OPRD1: variants seen among roughly 807,000 people sequenced by gnomAD.
OPRD1 encodes opioid receptor delta 1, also known as delta-type opioid receptor.
OPRD1 carries 19 observed loss-of-function variants against 17.5 expected under a neutral mutation model. The ratio of observed to expected loss-of-function variants is 1.09; its 90% CI spans 0.76 to 1.60. OPRD1 has a LOEUF of 1.60. OPRD1 is among the 40% of genes most tolerant of loss of function. OPRD1 has a pLI of 0.00. For synonymous variants in OPRD1, 256 were observed against 240.9 expected (o/e 1.06, Z -0.58); for missense variants, 483 against 547.2 (o/e 0.88, Z 1.17).
In OPRD1 at chr1:28,859,047, C is replaced by T; in HGVS notation, c.321C>T (p.Ala107=). 6.2e-7 allele frequency: 1 copy of T among 1,614,218 alleles called. No homozygotes were observed. ...CCAGCACGCTGCCTTTCCAGAGTGC[C>T]AAGTACCTGATGGAGACGTGGCCCT... The part of the protein sequence containing the change: ...LATSTLPFQS[A]KYLMETWPFG... Residue 107 remains alanine, a synonymous_variant, in exon 2 of 3, where the codon GCC becomes GCT. Coordinates refer to ENST00000234961, the MANE Select transcript of OPRD1 (RefSeq NM_000911.4).
chr1:28,827,076 C>T (rs1197772612), intron 1 of OPRD1, among the ~76,000 whole-genome samples: 1 of 152,158 alleles, frequency 6.6e-6, no homozygotes, highest in East Asian at 1.9e-4. Flanking sequence ...GGGCAGATCC[C>T]TTGAGGTCAG....
At chr1:28,861,613 G>A (rs2089122533) in intron 2 of OPRD1, among the ~76,000 whole-genome samples, 1 of 152,012 alleles carries the variant, frequency 6.6e-6, no homozygotes, top group African/African-American at 2.4e-5. Flanking sequence ...CCCAGCTAAT[G>A]TTTGTTTTTT....
At chr1:28,842,245 G>A (rs1477333622) in intron 1 of OPRD1, among the ~76,000 whole-genome samples, 1 of 152,112 alleles carries the variant, frequency 6.6e-6, no homozygotes, top group East Asian at 1.9e-4. Context: ...GCCCCAGCTG[G>A]TCTCCAACGC....
chr1:28,833,156 T>A (rs190263801), intron 1 of OPRD1, among the ~76,000 whole-genome samples: 81 of 152,322 alleles, frequency 5.3e-4, no homozygotes, highest in Non-Finnish European at 3.5e-4. Flanking sequence ...AACAATGTAA[T>A]GTGCCCATTT....
chr1:28,840,774 T>C (rs1323950937), intron 1 of OPRD1, among the ~76,000 whole-genome samples: 1 of 151,886 alleles, frequency 6.6e-6, no homozygotes, highest in Admixed American at 6.6e-5. Flanking sequence ...ATATGAAAAT[T>C]AGCCGGGCAT....
At chr1:28,818,773 G>GTTCTCA (rs1248005048) in intron 1 of OPRD1, among the ~76,000 whole-genome samples, 1 of 152,166 alleles carries the variant, frequency 6.6e-6, no homozygotes, top group African/African-American at 2.4e-5. Context: ...GGAGGCAGGT[G>GTTCTCA]TTCTCATGGG....
At position 28,867,269 on chromosome 1, in the gene OPRD1, A is replaced by G. The variant is rs2089182828; in HGVS notation, c.*3986A>G. The G allele has an allele frequency of 6.6e-6, 1 of 150,994 alleles. No individual in the cohort carries two copies. The highest frequency in any genetic ancestry group is 2.4e-5 in the African/African-American group (1 of 40,972). The allele number at this position is 150,994 out of a possible 1,614,324, so 9.4% of individuals were successfully genotyped here. On this transcript the variant is annotated 3_prime_UTR_variant, in exon 3 of 3. Transcript: ENST00000234961. ...GCATAGGCTGGAGTGCAGTGGCACCATCTCGGCTCATTGCAACCTCCGCCT... is the reference window on the plus strand; with the variant it reads ...GCATAGGCTGGAGTGCAGTGGCACCGTCTCGGCTCATTGCAACCTCCGCCT...
At chr1:28,812,751 C>T in intron 1 of OPRD1, 141 bp downstream of exon 1, 2 of 674,288 alleles carry the variant, frequency 3.0e-6, no homozygotes, top group Non-Finnish European at 2.3e-6. Context: ...CAGCGAGAGG[C>T]GAGGCCACTT....
Position 28,812,580 on chromosome 1 carries a change from G to A in OPRD1, c.197G>A (p.Gly66Asp). Reference sequence around the variant, plus strand: ...GCCGTGTGCGCCGTGGGGCTGCTGGGCAACGTGCTTGTCATGTTCGGCATC... The same window carrying A: ...GCCGTGTGCGCCGTGGGGCTGCTGGACAACGTGCTTGTCATGTTCGGCATC... Reference protein sequence around the residue: ...YSAVCAVGLLGNVLVMFGIVR... With the variant: ...YSAVCAVGLLDNVLVMFGIVR... Residue 66 changes from glycine (G) to aspartate (D), a missense_variant, in exon 1 of 3, where the codon GGC (glycine) becomes GAC (aspartate). Transcript: ENST00000234961. 6 of 1,568,174 alleles carry A rather than the reference G, an allele frequency of 3.8e-6. No homozygotes were observed. Among genetic ancestry groups the A allele is most frequent in the Non-Finnish European group, 5.2e-6 (6 of 1,164,064 alleles).
intron 1 of OPRD1, among the ~76,000 whole-genome samples, chr1:28,840,379 G>A (rs532709700): frequency 2.1e-4 from 32 of 152,178 alleles, no homozygotes; most frequent in African/African-American, 7.2e-4. Context: ...TCAGCCTCCC[G>A]AGTAGCTGGG....
chr1:28,865,105 G>C lies in OPRD1; in HGVS notation c.*1822G>C, dbSNP rs74065131. The C allele has an allele frequency of 4.6e-5, 7 of 151,772 alleles. No homozygotes were observed. Among genetic ancestry groups the C allele is most frequent in the African/African-American group, 1.5e-4 (6 of 41,220 alleles). The allele number at this position is 151,772 out of a possible 1,614,324, so 9.4% of individuals were successfully genotyped here. On this transcript the variant is annotated 3_prime_UTR_variant, in exon 3 of 3. Coordinates refer to ENST00000234961, the MANE Select transcript of OPRD1 (RefSeq NM_000911.4). The stretch of plus-strand genomic sequence containing the variant: ...TAGAAGTTTTTCTTTTCATTGGTTC[G>C]GCATTTTATTCAGGCACTCCTGGAT...
chr1:28,860,662 A>C (rs1170191504), intron 2 of OPRD1, among the ~76,000 whole-genome samples: 1 of 152,212 alleles, frequency 6.6e-6, no homozygotes, highest in Non-Finnish European at 1.5e-5. Context: ...GACTGTAGGG[A>C]AACAGAATCA....
rs1010371718 is a variant in OPRD1, at chr1:28,865,332, T to C, written c.*2049T>C. On this transcript the variant is annotated 3_prime_UTR_variant, in exon 3 of 3. Transcript: ENST00000234961. ...TTTTTTGGGACAGATGGAAAGAAAT[T>C]GACGTCTTTGTCTCAAACAAAAGAA... 1 of 152,158 alleles carries C rather than the reference T, an allele frequency of 6.6e-6. No homozygotes were observed. The allele number at this position is 152,158 out of a possible 1,614,324, so 9.4% of individuals were successfully genotyped here. A position where few individuals can be genotyped will look rare whatever the true frequency, so the allele number is the denominator to read the frequency against.
At chr1:28,836,488 C>T (rs1452871507) in intron 1 of OPRD1, among the ~76,000 whole-genome samples, 10 of 140,810 alleles carry the variant, frequency 7.1e-5, no homozygotes, top group Non-Finnish European at 1.1e-4. Context: ...CCAGCCTGGG[C>T]GACAGAGCGA....
intron 2 of OPRD1, among the ~76,000 whole-genome samples, chr1:28,862,084 T>C (rs1288995157): frequency 6.6e-6 from 1 of 151,898 alleles, no homozygotes; most frequent in Non-Finnish European, 1.5e-5. Context: ...GCTAATTTTT[T>C]TGTATTTTTT....
chr1:28,863,612 A>G lies in OPRD1; in HGVS notation c.*329A>G, dbSNP rs2089146881. On this transcript the variant is annotated 3_prime_UTR_variant, in exon 3 of 3. Transcript: ENST00000234961. ...CTACAACTGAGTCCTTAAACAGGGC[A>G]TCTCCAGGAAGGCGGGGCTTCAACC... The G allele has an allele frequency of 6.6e-6, 2 of 303,438 alleles. No individual in the cohort carries two copies. The highest frequency in any genetic ancestry group is 1.0e-4 in the Admixed American group (2 of 19,700). 18.8% of individuals were successfully genotyped at this position (303,438 alleles called of 1,614,324 possible).
chr1:28,832,631 TA>T (rs2088817467), intron 1 of OPRD1, among the ~76,000 whole-genome samples: 1 of 150,144 alleles, frequency 6.7e-6, no homozygotes, highest in Non-Finnish European at 1.5e-5. Context: ...AAAAAAAAAG[TA>T]ACATACAGCA....
rs2089170023 is a variant in OPRD1 at position 28,865,673 on chromosome 1, G to C, written c.*2390G>C. 6.6e-6 allele frequency: 1 copy of C among 152,224 alleles called. No homozygotes were observed. 9.4% of individuals were successfully genotyped at this position (152,224 alleles called of 1,614,324 possible). On this transcript the variant is annotated 3_prime_UTR_variant, in exon 3 of 3. Transcript: ENST00000234961. ...CCAGCCTGCCAAGCCATTGTGACCT[G>C]GGGTCCCAAGCCACCTAGATCACTC...
chr1:28,817,853 C>T (rs1191068763), intron 1 of OPRD1, among the ~76,000 whole-genome samples: 1 of 149,336 alleles, frequency 6.7e-6, no homozygotes, highest in Non-Finnish European at 1.5e-5. Context: ...TACAGGCGCT[C>T]GCCACCACGC....
Sources: gnomAD v4.1 joint callset for allele counts (sites outside exome capture counted in the v4.1 genomes callset) on GRCh38, gnomAD v4.1.1 for gene constraint, MANE v1.5 for transcripts, NCBI Gene and HGNC (gene_info 2026-07-23, HGNC 2026-07-21) for gene names.